EIF4A2: variants seen among roughly 807,000 people sequenced by gnomAD.
The protein encoded by EIF4A2 is eukaryotic initiation factor 4A-II.
A neutral mutation model predicts 50.6 loss-of-function variants in EIF4A2; 9 were observed. That is an observed-to-expected ratio of 0.18 (90% confidence interval 0.11 to 0.31). EIF4A2 has a LOEUF of 0.31. Ranked by LOEUF, EIF4A2 falls within the 10% of genes least tolerant of loss-of-function variation. EIF4A2 has a pLI of 1.00. For missense variants in EIF4A2, 182 were observed against 501.8 expected (o/e 0.36, Z 6.09); for synonymous variants, 215 against 164.4 (o/e 1.31, Z -2.35).
At chr3:186,786,818 C>T (rs964774653) in intron 7 of EIF4A2, 173 bp downstream of exon 7, 2 of 959,358 alleles carry the variant, frequency 2.1e-6, no homozygotes, top group Middle Eastern at 2.1e-4. Flanking sequence ...TCTTAATGTC[C>T]AATGTCCTTT....
intron 10 of EIF4A2, chr3:186,788,886 G>T: frequency 2.1e-6 from 1 of 483,272 alleles, no homozygotes; most frequent in Non-Finnish European, 3.6e-6. Flanking sequence ...TTATAATAAT[G>T]CTCAAGATGC....
chr3:186,785,731 G>A lies in EIF4A2; in HGVS notation c.349-152G>A, dbSNP rs1721665130. The A allele has an allele frequency of 5.1e-6, 5 of 971,612 alleles. No individual in the cohort carries two copies. The East Asian group carries it at 1.3e-4, about 25-fold the overall frequency. The allele number at this position is 971,612 out of a possible 1,614,324, so 60.2% of individuals were successfully genotyped here. ...ATTAAGGGAATTTTACCTTGCAGCAGTTAGGTCGTCTGCATTTTAAGCTTG... is the reference window on the plus strand; with the variant it reads ...ATTAAGGGAATTTTACCTTGCAGCAATTAGGTCGTCTGCATTTTAAGCTTG... On this transcript the variant is annotated intron_variant, in intron 4 of 10. Coordinates refer to ENST00000323963, the MANE Select transcript of EIF4A2 (RefSeq NM_001967.4).
Position 186,789,331 on chromosome 3 carries a change from C to T in EIF4A2, c.*62C>T. ...TTGCTGAATAGGCGATCACAACGTGCATTGTGCTTCTTTCTTTGGGAATAT... is the reference window on the plus strand; with the variant it reads ...TTGCTGAATAGGCGATCACAACGTGTATTGTGCTTCTTTCTTTGGGAATAT... On this transcript the variant is annotated 3_prime_UTR_variant, in exon 11 of 11. Coordinates refer to ENST00000323963, the MANE Select transcript of EIF4A2 (RefSeq NM_001967.4). The T allele has an allele frequency of 6.5e-7, 1 of 1,533,946 alleles. No homozygotes were observed. Among genetic ancestry groups the T allele is most frequent in the Non-Finnish European group, 8.8e-7 (1 of 1,139,090 alleles).
chr3:186,786,096 A>C (rs143508878), intron 5 of EIF4A2, 45 bp downstream of exon 5: 1 of 1,601,280 alleles, frequency 6.2e-7, no homozygotes, highest in Non-Finnish European at 8.6e-7. Context: ...AACTGTTAAC[A>C]TAGTTGAAAA....
chr3:186,789,545 G>A lies in EIF4A2; in HGVS notation c.*276G>A, dbSNP rs2108464434. On this transcript the variant is annotated 3_prime_UTR_variant, in exon 11 of 11. Transcript: ENST00000323963. The stretch of plus-strand genomic sequence containing the variant: ...TAGAAATTTATTTCCTAGTTCTGTA[G>A]AAATGGTTGTATTAGATGTTCTCTA... 2.7e-6 allele frequency: 1 copy of A among 364,950 alleles called. No homozygotes were observed. The highest frequency in any genetic ancestry group is 7.3e-5 in the South Asian group (1 of 13,692). The allele number at this position is 364,950 out of a possible 1,614,324, so 22.6% of individuals were successfully genotyped here.
intron 7 of EIF4A2, 83 bp downstream of exon 7, chr3:186,786,728 G>A (rs1387332524): frequency 6.3e-6 from 10 of 1,582,318 alleles, no homozygotes; most frequent in Non-Finnish European, 8.7e-6. Context: ...CCATGTCTTG[G>A]TTTTTGCAAT....
Position 186,787,168 on chromosome 3 carries a change from G to A in EIF4A2, c.813G>A (p.Leu271=), listed in dbSNP as rs1560085803. ...CACTTTGTGACTTGTACGAGACACT[G>A]ACCATTACACAGGCTGTTATTTTTC... is the stretch of plus-strand genomic sequence containing the variant. ...LDTLCDLYET[L]TITQAVIFLN... Residue 271 remains leucine (L), a synonymous_variant, in exon 8 of 11, where the codon CTG becomes CTA. Coordinates refer to ENST00000323963, the MANE Select transcript of EIF4A2 (RefSeq NM_001967.4). 1 of 1,613,956 alleles carries A rather than the reference G, an allele frequency of 6.2e-7. No individual in the cohort carries two copies. Among genetic ancestry groups the A allele is most frequent in the African/African-American group, 1.3e-5 (1 of 74,926 alleles).
At chr3:186,788,784 C>G (rs1374282904) in intron 10 of EIF4A2, 3 of 256,256 alleles carry the variant, frequency 1.2e-5, no homozygotes, top group Non-Finnish European at 2.3e-5. Flanking sequence ...TCCTGGTGTT[C>G]ACATCTGTCC....
At chr3:186,784,275 A>G in intron 1 of EIF4A2, 157 bp from the exon 2 acceptor site, 4 of 1,085,296 alleles carry the variant, frequency 3.7e-6, no homozygotes, top group Non-Finnish European at 5.3e-6. Flanking sequence ...CCCAACCTTT[A>G]GGGAAGGCGC....
chr3:186,789,757 A>ATTAG lies in EIF4A2; in HGVS notation c.*490_*493dup, dbSNP rs1184410225. 2 of 493,398 alleles carry ATTAG rather than the reference A, an allele frequency of 4.1e-6. No homozygotes were observed. Among genetic ancestry groups the ATTAG allele is most frequent in the African/African-American group, 3.9e-5 (2 of 50,762 alleles). 30.6% of individuals were successfully genotyped at this position (493,398 alleles called of 1,614,324 possible). A position where few individuals can be genotyped will look rare whatever the true frequency, so the allele number is the denominator to read the frequency against. ...TTGTATTTATTCAATAAAGTATTTA[A>ATTAG]TTAGTGCTAAGTGTGAACTGGACCC... On this transcript the variant is annotated 3_prime_UTR_variant, in exon 11 of 11. Transcript: ENST00000323963.
At position 186,787,788 on chromosome 3, in the gene EIF4A2, G is replaced by C; in HGVS notation, c.1000-15G>C. 1 of 1,613,964 alleles carries C rather than the reference G, an allele frequency of 6.2e-7. No individual in the cohort carries two copies. Among genetic ancestry groups the C allele is most frequent in the Non-Finnish European group, 8.5e-7 (1 of 1,179,932 alleles). On this transcript the variant is annotated splice_polypyrimidine_tract_variant and intron_variant, in intron 9 of 10. Coordinates refer to ENST00000323963, the MANE Select transcript of EIF4A2 (RefSeq NM_001967.4). The stretch of plus-strand genomic sequence containing the variant: ...TTTTTTGAATCAATTTTTAAAACAT[G>C]CCATTGTGTTTCAGGCTCGCGGGAT...
rs369523658 is a variant in EIF4A2, at chr3:186,786,292, C to T, written c.627+19C>T. The T allele has an allele frequency of 3.1e-6, 5 of 1,603,346 alleles. No homozygotes were observed. The highest frequency in any genetic ancestry group is 1.7e-5 in the Admixed American group (1 of 59,238). On this transcript the variant is annotated intron_variant, in intron 6 of 10. Transcript: ENST00000323963. ...TATTCAGGTAAGCATTACTTCACCC[C>T]CCTCTTAAAGGTAGAGATGGGGTTT... is the stretch of plus-strand genomic sequence containing the variant.
Position 186,789,564 on chromosome 3 carries a change from T to C in EIF4A2, c.*295T>C, listed in dbSNP as rs929009532. ...TCTGTAGAAATGGTTGTATTAGATG[T>C]TCTCTATCATTTAATAATATACTTG... On this transcript the variant is annotated 3_prime_UTR_variant, in exon 11 of 11. Transcript: ENST00000323963. 7 of 342,860 alleles carry C rather than the reference T, an allele frequency of 2.0e-5. No homozygotes were observed. The highest frequency in any genetic ancestry group is 8.4e-5 in the African/African-American group (4 of 47,540). The allele number at this position is 342,860 out of a possible 1,614,324, so 21.2% of individuals were successfully genotyped here.
intron 9 of EIF4A2, 54 bp from the exon 10 acceptor site, chr3:186,787,749 G>A (rs767553830): frequency 1.9e-6 from 3 of 1,610,888 alleles, no homozygotes; most frequent in South Asian, 1.1e-5. Context: ...TGGCCTACAT[G>A]ACAGGTGTCA....
At chr3:186,784,740 T>C (rs552816121) in intron 3 of EIF4A2, 44 bp downstream of exon 3, 2 of 1,611,304 alleles carry the variant, frequency 1.2e-6, no homozygotes, top group South Asian at 2.2e-5. Flanking sequence ...TACATAGACA[T>C]GAACCATAAA....
rs1721987771 is a variant in EIF4A2 at position 186,789,343 on chromosome 3, T to C, written c.*74T>C. ...CGATCACAACGTGCATTGTGCTTCT[T>C]TCTTTGGGAATATTTGAATCTTGTC... is the stretch of plus-strand genomic sequence containing the variant. On this transcript the variant is annotated 3_prime_UTR_variant, in exon 11 of 11. Transcript: ENST00000323963. 3 of 1,516,770 alleles carry C rather than the reference T, an allele frequency of 2.0e-6. No individual in the cohort carries two copies. Among genetic ancestry groups the C allele is most frequent in the Admixed American group, 2.2e-5 (1 of 45,976 alleles). The allele number at this position is 1,516,770 out of a possible 1,614,324, so 94.0% of individuals were successfully genotyped here.
At chr3:186,786,726 T>TG (rs1465600479) in intron 7 of EIF4A2, 81 bp downstream of exon 7, 1 of 1,586,854 alleles carries the variant, frequency 6.3e-7, no homozygotes, top group South Asian at 1.1e-5. Context: ...GACCATGTCT[T>TG]GGTTTTTGCA....
At chr3:186,784,792 C>G (rs764120426) in intron 3 of EIF4A2, 96 bp downstream of exon 3, 4 of 1,603,256 alleles carry the variant, frequency 2.5e-6, no homozygotes, top group Non-Finnish European at 3.4e-6. Flanking sequence ...GTTTGTATTC[C>G]TTAAAGTGAA....
In EIF4A2 at chr3:186,787,800, C is replaced by T; in HGVS notation, c.1000-3C>T. 4 of 1,613,958 alleles carry T rather than the reference C, an allele frequency of 2.5e-6. No homozygotes were observed. Among genetic ancestry groups the T allele is most frequent in the Non-Finnish European group, 3.4e-6 (4 of 1,179,956 alleles). On this transcript the variant is annotated splice_polypyrimidine_tract_variant and splice_region_variant and intron_variant, in intron 9 of 10. Coordinates refer to ENST00000323963, the MANE Select transcript of EIF4A2 (RefSeq NM_001967.4). ...ATTTTTAAAACATGCCATTGTGTTTCAGGCTCGCGGGATTGATGTGCAACA... is the reference window on the plus strand; with the variant it reads ...ATTTTTAAAACATGCCATTGTGTTTTAGGCTCGCGGGATTGATGTGCAACA...
Sources: gnomAD v4.1 joint callset for allele counts on GRCh38, gnomAD v4.1.1 for gene constraint, MANE v1.5 for transcripts, NCBI Gene and HGNC (gene_info 2026-07-23, HGNC 2026-07-21) for gene names.